Variants in MDGA2 observed in about 807,000 individuals in gnomAD.
MDGA2 encodes the protein MAM domain-containing glycosylphosphatidylinositol anchor protein 2.
MDGA2 carries 40 observed loss-of-function variants against 117.8 expected under a neutral mutation model. That is an observed-to-expected ratio of 0.34 (90% CI 0.26 to 0.44). MDGA2 has a LOEUF of 0.44. Ranked by LOEUF, MDGA2 falls within the 20% of genes least tolerant of loss-of-function variation. The pLI, the probability that MDGA2 is intolerant of heterozygous loss-of-function variation, is 1.00. For missense variants in MDGA2, 1,123 were observed against 1,250.6 expected (o/e 0.90, Z 1.54); for synonymous variants, 452 against 439.0 (o/e 1.03, Z -0.37).
intron 1 of MDGA2, among the ~76,000 whole-genome samples, chr14:47,612,221 T>TAGAC (rs1403194138): frequency 1.7e-4 from 25 of 151,372 alleles, no homozygotes; most frequent in Non-Finnish European, 2.8e-4. Flanking sequence ...GATAGATAGA[T>TAGAC]AGATAGATAG....
At chr14:46,864,378 T>G (rs1295286320) in intron 14 of MDGA2, among the ~76,000 whole-genome samples, 2 of 150,436 alleles carry the variant, frequency 1.3e-5, no homozygotes, top group Non-Finnish European at 3.0e-5. Flanking sequence ...CTAACTTAAT[T>G]ATTTTGCCTT....
intron 14 of MDGA2, among the ~76,000 whole-genome samples, chr14:46,862,786 T>C (rs1315719132): frequency 6.6e-6 from 1 of 152,076 alleles, no homozygotes. Context: ...AGGTAATTGC[T>C]AGCATCATTT....
intron 1 of MDGA2, among the ~76,000 whole-genome samples, chr14:47,495,144 A>G (rs568646676): frequency 6.6e-6 from 1 of 152,226 alleles, no homozygotes; most frequent in Admixed American, 6.5e-5. Context: ...GGAAGCAATT[A>G]TCCTTAGTGA....
intron 1 of MDGA2, among the ~76,000 whole-genome samples, chr14:47,402,771 G>A (rs1259542572): frequency 6.6e-6 from 1 of 151,810 alleles, no homozygotes; most frequent in Non-Finnish European, 1.5e-5. Context: ...TGAGGATACT[G>A]GAACACACAA....
intron 1 of MDGA2, among the ~76,000 whole-genome samples, chr14:47,655,328 A>T (rs1002175435): frequency 3.3e-5 from 5 of 152,174 alleles, no homozygotes; most frequent in African/African-American, 1.2e-4. Context: ...TCACATGGAC[A>T]TAACAGCAGT....
chr14:47,159,457 C>T (rs1883542160), intron 3 of MDGA2, among the ~76,000 whole-genome samples: 2 of 152,094 alleles, frequency 1.3e-5, no homozygotes, highest in South Asian at 4.1e-4. Context: ...TCAATCATTC[C>T]CATTAATTGT....
chr14:46,891,812 C>A (rs116125885), intron 10 of MDGA2, among the ~76,000 whole-genome samples: 5,521 of 150,538 alleles, frequency 0.037, 358 homozygotes, highest in African/African-American at 0.13. Flanking sequence ...TTTTTAATGA[C>A]AAGGCTTTTT....
intron 1 of MDGA2, among the ~76,000 whole-genome samples, chr14:47,604,876 A>G (rs1896713658): frequency 1.3e-5 from 2 of 152,170 alleles, no homozygotes; most frequent in African/African-American, 4.8e-5. Flanking sequence ...TGCCACATAG[A>G]GAAAAGCCCA....
At chr14:46,847,562 A>G (rs1880889831) in intron 15 of MDGA2, among the ~76,000 whole-genome samples, 1 of 152,054 alleles carries the variant, frequency 6.6e-6, no homozygotes, top group Non-Finnish European at 1.5e-5. Flanking sequence ...GGCTTTAAAA[A>G]GTCTCAGAAG....
intron 1 of MDGA2, among the ~76,000 whole-genome samples, chr14:47,570,041 T>C (rs1025308268): frequency 9.9e-5 from 15 of 152,118 alleles, no homozygotes; most frequent in African/African-American, 2.9e-4. Flanking sequence ...ACCTCACACA[T>C]TGATCAAATC....
At chr14:47,352,692 C>G (rs926919299) in intron 1 of MDGA2, among the ~76,000 whole-genome samples, 2 of 152,206 alleles carry the variant, frequency 1.3e-5, no homozygotes, top group African/African-American at 4.8e-5. Flanking sequence ...ATAGTAATGA[C>G]TATTTTCAGT....
chr14:47,495,953 T>G (rs1894272745), intron 1 of MDGA2, among the ~76,000 whole-genome samples: 1 of 151,980 alleles, frequency 6.6e-6, no homozygotes, highest in Non-Finnish European at 1.5e-5. Context: ...TCACCCTAAT[T>G]TTATTTTAAT....
chr14:46,996,615 T>C (rs1041183406), intron 8 of MDGA2: 1 of 152,932 alleles, frequency 6.5e-6, no homozygotes, highest in Non-Finnish European at 1.5e-5. Context: ...AAATCAATAC[T>C]GTGGAGATAA....
intron 1 of MDGA2, among the ~76,000 whole-genome samples, chr14:47,389,313 A>G: frequency 6.6e-6 from 1 of 152,184 alleles, no homozygotes; most frequent in Non-Finnish European, 1.5e-5. Context: ...TGACTTCTAA[A>G]ATAGATGATG....
At chr14:47,513,085 T>C (rs1894675959) in intron 1 of MDGA2, among the ~76,000 whole-genome samples, 1 of 152,068 alleles carries the variant, frequency 6.6e-6, no homozygotes, top group African/African-American at 2.4e-5. Context: ...TAGCTTATGC[T>C]TTTTTTCTAA....
intron 1 of MDGA2, among the ~76,000 whole-genome samples, chr14:47,375,008 T>C (rs1199692107): frequency 2.0e-5 from 3 of 152,028 alleles, no homozygotes; most frequent in African/African-American, 4.8e-5. Context: ...AAGTCAAATA[T>C]AGGGCTTATC....
chr14:46,922,429 T>C (rs1356595932), intron 9 of MDGA2, among the ~76,000 whole-genome samples: 6 of 152,184 alleles, frequency 3.9e-5, no homozygotes, highest in Non-Finnish European at 8.8e-5. Flanking sequence ...AACATTTGCC[T>C]GTCAAACTGG....
At chr14:47,234,659 T>C (rs957903864) in intron 2 of MDGA2, among the ~76,000 whole-genome samples, 2 of 152,152 alleles carry the variant, frequency 1.3e-5, no homozygotes, top group African/African-American at 4.8e-5. Flanking sequence ...AAGACGCTAC[T>C]GTGGCACTTC....
intron 8 of MDGA2, among the ~76,000 whole-genome samples, chr14:46,997,778 T>A (rs1267274029): frequency 6.6e-6 from 1 of 152,118 alleles, no homozygotes; most frequent in African/African-American, 2.4e-5. Context: ...TGCATTCACA[T>A]GCTTAATAAA....
Sources: allele counts gnomAD v4.1 joint callset (sites outside exome capture counted in the v4.1 genomes callset), GRCh38; gene constraint gnomAD v4.1.1; transcripts MANE v1.5; gene names NCBI Gene and HGNC (gene_info 2026-07-23, HGNC 2026-07-21).